Variants in ERCC5 observed in about 807,000 individuals in gnomAD.
The protein encoded by ERCC5 is DNA excision repair protein ERCC-5.
Under a neutral mutation model 105.6 loss-of-function variants are expected in ERCC5, and 68 were observed. The observed-to-expected ratio is 0.64, with a 90% CI of 0.53 to 0.79. ERCC5 has a LOEUF of 0.79. ERCC5 is among the 30% of genes least tolerant of loss of function. The pLI, the probability that ERCC5 is intolerant of heterozygous loss-of-function variation, is 0.00. For synonymous variants in ERCC5, 546 were observed against 526.2 expected (o/e 1.04, Z -0.51); for missense variants, 1,373 against 1,426.7 (o/e 0.96, Z 0.61).
chr13:102,863,875 G>C (rs777821214), intron 8 of ERCC5, among the ~76,000 whole-genome samples: 1 of 152,112 alleles, frequency 6.6e-6, no homozygotes, highest in Non-Finnish European at 1.5e-5. Flanking sequence ...ACCTGTTAGC[G>C]TGGCAGCTTC....
intron 1 of ERCC5, among the ~76,000 whole-genome samples, chr13:102,847,582 G>A (rs1459321942): frequency 1.3e-5 from 2 of 152,104 alleles, no homozygotes; most frequent in Non-Finnish European, 2.9e-5. Flanking sequence ...TTTTTTGCAA[G>A]TGAATAATCT....
rs779042608 is a variant in ERCC5 at position 102,875,681 on chromosome 13, A to G, written c.3339A>G (p.Val1113=). ...EDAESSSLMN[V]QRRTAAKEPK... The stretch of plus-strand genomic sequence containing the variant: ...CTGAAAGTTCATCTTTAATGAATGT[A>G]CAAAGGAGAACAGCTGCGAAAGAGC... Residue 1113 remains valine (V), a synonymous_variant, in exon 15 of 15, where the codon GTA becomes GTG. Coordinates refer to ENST00000652225, the MANE Select transcript of ERCC5 (RefSeq NM_000123.4). The G allele has an allele frequency of 2.5e-6, 4 of 1,614,070 alleles. No homozygotes were observed. Among genetic ancestry groups the G allele is most frequent in the East Asian group, 4.5e-5 (2 of 44,896 alleles).
chr13:102,865,901 A>T lies in ERCC5; in HGVS notation c.2189A>T (p.Asp730Val), dbSNP rs766211518. The T allele has an allele frequency of 6.2e-7, 1 of 1,614,212 alleles. No homozygotes were observed. Among genetic ancestry groups the T allele is most frequent in the East Asian group, 2.2e-5 (1 of 44,890 alleles). Residue 730 changes from aspartate (D) to valine (V), a missense_variant, in exon 9 of 15, where the codon GAT becomes GTT. Asp to Val is a radical substitution (Grantham distance 152, BLOSUM62 -3). Transcript: ENST00000652225. This position sits in a 1 kb window ranked among gnomAD's most constrained non-coding sequence, Gnocchi z 4.0. ...GAAGATTCGCTCCATGAATGGCAAGATATTAATTTGGTAATACCGTAACAT... is the reference window on the plus strand; with the variant it reads ...GAAGATTCGCTCCATGAATGGCAAGTTATTAATTTGGTAATACCGTAACAT... ...DAEDSLHEWQ[D>V]INLEELETLE...
chr13:102,873,356 G>A lies in ERCC5; in HGVS notation c.2964+13G>A. On this transcript the variant is annotated intron_variant, in intron 14 of 14. Coordinates refer to ENST00000652225, the MANE Select transcript of ERCC5 (RefSeq NM_000123.4). ...CGATGCCCAGCAGGTAATCATGGTG[G>A]ACCCTTCTCCTAAGTTCAGGATGAA... 1 of 1,614,066 alleles carries A rather than the reference G, an allele frequency of 6.2e-7. No individual in the cohort carries two copies. Among genetic ancestry groups the A allele is most frequent in the Non-Finnish European group, 8.5e-7 (1 of 1,179,974 alleles).
chr13:102,862,316 AGCCATTAAGAGAGCTC>A lies in ERCC5; in HGVS notation c.1168_1183del (p.Ala390LeufsTer7). ...GCTCCATATCACCCCGGACTCTTTCAGCCATTAAGAGAGCTCTTGACGATGACGAAGATGTAAAAGT... is the reference window on the plus strand; with the variant it reads ...GCTCCATATCACCCCGGACTCTTTCATTGACGATGACGAAGATGTAAAAGT... On this transcript the variant is annotated frameshift_variant, in exon 8 of 15. Coordinates refer to ENST00000652225, the MANE Select transcript of ERCC5 (RefSeq NM_000123.4). LOFTEE classifies it high-confidence loss of function. 1.2e-6 allele frequency: 2 copies of A among 1,614,180 alleles called. No individual in the cohort carries two copies. The highest frequency in any genetic ancestry group is 1.7e-6 in the Non-Finnish European group (2 of 1,180,034).
intron 2 of ERCC5, among the ~76,000 whole-genome samples, chr13:102,853,267 A>C (rs1464936196): frequency 6.6e-6 from 1 of 152,220 alleles, no homozygotes; most frequent in African/African-American, 2.4e-5. Context: ...CACAGGGACT[A>C]TCCATTTGTC....
Position 102,865,257 on chromosome 13 carries a change from C to A in ERCC5, c.1955-410C>A. On this transcript the variant is annotated intron_variant, in intron 8 of 14. Transcript: ENST00000652225. The surrounding 1 kb of genome is among the most constrained non-coding windows in gnomAD (Gnocchi z 4.0). ...GAGAAGGGAAGTGGAAGAGGAAGAACTATTTCTTAGTCACAGCTTTATTCT... is the reference window on the plus strand; with the variant it reads ...GAGAAGGGAAGTGGAAGAGGAAGAAATATTTCTTAGTCACAGCTTTATTCT... 1 of 238,940 alleles carries A rather than the reference C, an allele frequency of 4.2e-6. No individual in the cohort carries two copies. The allele number at this position is 238,940 out of a possible 1,614,324, so 14.8% of individuals were successfully genotyped here. A position where few individuals can be genotyped will look rare whatever the true frequency, so the allele number is the denominator to read the frequency against.
chr13:102,857,674 T>G (rs1178858927), intron 5 of ERCC5, among the ~76,000 whole-genome samples: 1 of 152,200 alleles, frequency 6.6e-6, no homozygotes, highest in Non-Finnish European at 1.5e-5. Flanking sequence ...AAAACTAACT[T>G]AATTATGGGA....
rs1883170651 is a variant in ERCC5 at position 102,875,218 on chromosome 13, G to T, written c.2965-89G>T. On this transcript the variant is annotated intron_variant, in intron 14 of 14. Transcript: ENST00000652225. ...ATTCTCTGACATAGTAATCCAATGT[G>T]AGTGATCAAGGTTGAGCTTGTTGAT... is the stretch of plus-strand genomic sequence containing the variant. 1.7e-5 allele frequency: 24 copies of T among 1,403,930 alleles called. No individual in the cohort carries two copies. The South Asian group carries it at 3.0e-4, about 17-fold the overall frequency. 87.0% of individuals were successfully genotyped at this position (1,403,930 alleles called of 1,614,324 possible).
intron 1 of ERCC5, chr13:102,849,408 A>T (rs1188640860): frequency 1.9e-6 from 1 of 518,920 alleles, no homozygotes; most frequent in African/African-American, 1.9e-5. Flanking sequence ...GGAGATAGGG[A>T]CCGTCTCTGT....
rs759332233 is a variant in ERCC5, at chr13:102,873,247, A to G, written c.2880-12A>G. ...ATCTTTCAAAATATTTATAAGTCTT[A>G]ACTGCATGCATATTTTGTCAGCGGT... On this transcript the variant is annotated splice_polypyrimidine_tract_variant and intron_variant, in intron 13 of 14. Coordinates refer to ENST00000652225, the MANE Select transcript of ERCC5 (RefSeq NM_000123.4). 1.9e-6 allele frequency: 3 copies of G among 1,613,976 alleles called. No homozygotes were observed. The African/African-American group carries it at 4.0e-5, about 22-fold the overall frequency.
At chr13:102,870,066 A>G (rs1882982279) in intron 12 of ERCC5, among the ~76,000 whole-genome samples, 1 of 152,170 alleles carries the variant, frequency 6.6e-6, no homozygotes, top group African/African-American at 2.4e-5. Flanking sequence ...ATGGTGGGAA[A>G]CCAGTAAAAT....
rs764414606 is a variant in ERCC5 at position 102,856,093 on chromosome 13, A to G, written c.509A>G (p.Asn170Ser). Reference protein sequence around the residue: ...EDEKEWQERMNQKQALQEEFF... With the variant: ...EDEKEWQERMSQKQALQEEFF... ...GAAAAAGAATGGCAAGAAAGAATGAATCAAAAACAAGCATTACAGGTATTT... is the reference window on the plus strand; with the variant it reads ...GAAAAAGAATGGCAAGAAAGAATGAGTCAAAAACAAGCATTACAGGTATTT... Residue 170 changes from asparagine (N) to serine (S), a missense_variant, in exon 5 of 15, where the codon AAT (asparagine) becomes AGT (serine). Coordinates refer to ENST00000652225, the MANE Select transcript of ERCC5 (RefSeq NM_000123.4). 3.1e-6 allele frequency: 5 copies of G among 1,613,950 alleles called. No individual in the cohort carries two copies. Among genetic ancestry groups the G allele is most frequent in the Admixed American group, 3.3e-5 (2 of 60,032 alleles).
At chr13:102,869,356 CTT>C (rs1206699970) in intron 12 of ERCC5, among the ~76,000 whole-genome samples, 4 of 152,106 alleles carry the variant, frequency 2.6e-5, no homozygotes, top group African/African-American at 9.7e-5. Flanking sequence ...CTACAAATAA[CTT>C]TATTATACAA....
chr13:102,871,506 ATC>A, intron 12 of ERCC5, among the ~76,000 whole-genome samples: 1 of 152,192 alleles, frequency 6.6e-6, no homozygotes, highest in African/African-American at 2.4e-5. Flanking sequence ...TATTTTAAGT[ATC>A]TGTTTACTTT....
At chr13:102,848,430 CTG>C (rs1220843960) in intron 1 of ERCC5, among the ~76,000 whole-genome samples, 2 of 152,148 alleles carry the variant, frequency 1.3e-5, no homozygotes, top group Non-Finnish European at 2.9e-5. Flanking sequence ...GTCTAAATGT[CTG>C]TGTCAAATAA....
intron 6 of ERCC5, among the ~76,000 whole-genome samples, chr13:102,860,554 C>T (rs1030655995): frequency 2.6e-5 from 4 of 152,144 alleles, no homozygotes; most frequent in African/African-American, 9.7e-5. Context: ...AGGGGGCTGT[C>T]TACTATGTTA....
rs752518200 is a variant in ERCC5, at chr13:102,866,249, A to G, written c.2200-13A>G. The G allele has an allele frequency of 1.2e-6, 2 of 1,613,634 alleles. No individual in the cohort carries two copies. Among genetic ancestry groups the G allele is most frequent in the Admixed American group, 3.3e-5 (2 of 59,968 alleles). ...TATTAATATAAATCTATAAATGAAAAAACATTTTATAGGAGGAGTTGGAAA... is the reference window on the plus strand; with the variant it reads ...TATTAATATAAATCTATAAATGAAAGAACATTTTATAGGAGGAGTTGGAAA... On this transcript the variant is annotated splice_polypyrimidine_tract_variant and intron_variant, in intron 9 of 14. Transcript: ENST00000652225.
At position 102,846,397 on chromosome 13, in the gene ERCC5, G is replaced by C. The variant is rs1263729675; in HGVS notation, c.88+43G>C. The C allele has an allele frequency of 3.2e-6, 5 of 1,554,634 alleles. No individual in the cohort carries two copies. In the Admixed American group the frequency reaches 6.7e-5, roughly 21 times the overall value. ...TTGGGACTTGGGGTGCAGGGATTCG[G>C]GGCTGGATTCCTCGCGGGGCTCTGC... On this transcript the variant is annotated intron_variant, in intron 1 of 14. Coordinates refer to ENST00000652225, the MANE Select transcript of ERCC5 (RefSeq NM_000123.4).
Sources: allele counts gnomAD v4.1 joint callset (sites outside exome capture counted in the v4.1 genomes callset), GRCh38; gene constraint gnomAD v4.1.1; non-coding constraint Gnocchi (gnomAD v3.1); transcripts MANE v1.5; gene names NCBI Gene and HGNC (gene_info 2026-07-23, HGNC 2026-07-21).